Variants in ACACA observed in about 807,000 individuals in gnomAD.
ACACA encodes acetyl-CoA carboxylase alpha.
A neutral mutation model predicts 296.1 loss-of-function variants in ACACA; 103 were observed. The observed-to-expected ratio is 0.35, with a 90% CI of 0.30 to 0.41. The LOEUF (loss-of-function observed/expected upper bound fraction) is 0.41, where lower values mean the gene tolerates loss of function less well. Ranked by LOEUF, ACACA falls within the 10% of genes least tolerant of loss-of-function variation. The pLI is 1.00. For missense variants in ACACA, 1,554 were observed against 2,989.7 expected (o/e 0.52, Z 11.20); for synonymous variants, 953 against 1,038.6 (o/e 0.92, Z 1.58).
At chr17:37,245,677 T>G (rs958780907) in intron 19 of ACACA, among the ~76,000 whole-genome samples, 1 of 152,086 alleles carries the variant, frequency 6.6e-6, no homozygotes, top group Non-Finnish European at 1.5e-5. Flanking sequence ...GGTTTACGCC[T>G]TCTTCATTTC....
chr17:37,318,932 C>G (rs1432640739), intron 3 of ACACA, among the ~76,000 whole-genome samples: 1 of 152,066 alleles, frequency 6.6e-6, no homozygotes, highest in Non-Finnish European at 1.5e-5. Flanking sequence ...ATAAATGGTA[C>G]ATAAAATGAT....
At position 37,224,966 on chromosome 17, in the gene ACACA, TTATATA is replaced by T. The variant is rs200129602; in HGVS notation, c.3474+20_3474+25del. 5,845 of 907,490 alleles carry T rather than the reference TTATATA, an allele frequency of 6.4e-3. No homozygotes were observed. Among genetic ancestry groups the T allele is most frequent in the Admixed American group, 0.016 (667 of 40,682 alleles). 56.2% of individuals were successfully genotyped at this position (907,490 alleles called of 1,614,324 possible). A position where few individuals can be genotyped will look rare whatever the true frequency, so the allele number is the denominator to read the frequency against. Reference sequence around the variant, plus strand: ...AAGAGTCCAGATAGGCAGGAAAGGGTTATATATATATATATATATATATACCTGCAG... The same window carrying T: ...AAGAGTCCAGATAGGCAGGAAAGGGTTATATATATATATATATACCTGCAG... On this transcript the variant is annotated intron_variant, in intron 27 of 55. Coordinates refer to ENST00000616317, the MANE Select transcript of ACACA (RefSeq NM_198834.3).
At chr17:37,148,350 A>C (rs1002246405) in intron 45 of ACACA, among the ~76,000 whole-genome samples, 4 of 152,144 alleles carry the variant, frequency 2.6e-5, no homozygotes, top group African/African-American at 9.7e-5. Flanking sequence ...AGGGAGGAAG[A>C]CAGCCAAGTT....
chr17:37,394,132 A>T (rs1388348918), intron 1 of ACACA, among the ~76,000 whole-genome samples: 1 of 152,118 alleles, frequency 6.6e-6, no homozygotes, highest in African/African-American at 2.4e-5. Flanking sequence ...TTATAGACCA[A>T]GTTATACAAA....
intron 29 of ACACA, among the ~76,000 whole-genome samples, chr17:37,216,805 C>T (rs938581106): frequency 2.0e-5 from 3 of 151,292 alleles, no homozygotes; most frequent in Non-Finnish European, 1.5e-5. Context: ...GTCTTCAATC[C>T]CAACAGCAAC....
intron 41 of ACACA, among the ~76,000 whole-genome samples, chr17:37,174,144 C>A (rs185520699): frequency 6.9e-6 from 1 of 145,894 alleles, no homozygotes; most frequent in African/African-American, 2.6e-5. Context: ...TACAGGCATG[C>A]GCCACCGCGC....
At chr17:37,101,232 T>G (rs141907079) in intron 52 of ACACA, among the ~76,000 whole-genome samples, 257 of 152,188 alleles carry the variant, frequency 1.7e-3, no homozygotes, top group Admixed American at 3.2e-3. Context: ...ATATTAACAA[T>G]AGGTGAATTT....
chr17:37,246,826 C>T lies in ACACA; in HGVS notation c.2460G>A (p.Glu820=), dbSNP rs1365269910. ...CCCACAGTCCTTTCACCACCCTGACCTCAATCTCAGCATAGCACTGGCCGG... is the reference window on the plus strand; with the variant it reads ...CCCACAGTCCTTTCACCACCCTGACTTCAATCTCAGCATAGCACTGGCCGG... ...VFAGQCYAEI[E]VMKMVMTLTA... Residue 820 remains glutamate (E), a splice_region_variant and synonymous_variant, in exon 19 of 56, where the codon GAG becomes GAA. Transcript: ENST00000616317. 6.2e-7 allele frequency: 1 copy of T among 1,613,690 alleles called. No individual in the cohort carries two copies. Among genetic ancestry groups the T allele is most frequent in the Non-Finnish European group, 8.5e-7 (1 of 1,180,030 alleles).
chr17:37,397,747 T>C (rs1008155747), intron 1 of ACACA, among the ~76,000 whole-genome samples: 2 of 152,208 alleles, frequency 1.3e-5, no homozygotes, highest in African/African-American at 2.4e-5. Context: ...GATCCATGTT[T>C]ATACTGAAAT....
chr17:37,256,066 C>T (rs1598328605), intron 14 of ACACA, among the ~76,000 whole-genome samples: 1 of 152,124 alleles, frequency 6.6e-6, no homozygotes, highest in Non-Finnish European at 1.5e-5. Context: ...TAACTTTTAA[C>T]AACTAGAATG....
rs1173864454 is a variant in ACACA, at chr17:37,128,024, C to CAAAA, written c.5944+1337_5944+1340dup. Among the ~76,000 whole-genome samples, 29 of 39,742 alleles carry CAAAA rather than the reference C, an allele frequency of 7.3e-4. 3 individuals are homozygous for CAAAA. Among genetic ancestry groups the CAAAA allele is most frequent in the African/African-American group, 1.5e-3 (14 of 9,586 alleles). 26.1% of individuals were successfully genotyped at this position (39,742 alleles called of 152,430 possible). On this transcript the variant is annotated intron_variant, in intron 47 of 55. Transcript: ENST00000616317. ...GGAGGACAAGAGTGAAACTCCATCTCAAAAAAAAAAAAAAAAAAAAAAAAA... is the reference window on the plus strand; with the variant it reads ...GGAGGACAAGAGTGAAACTCCATCTCAAAAAAAAAAAAAAAAAAAAAAAAAAAAA...
intron 3 of ACACA, among the ~76,000 whole-genome samples, chr17:37,326,828 A>G (rs951893846): frequency 7.0e-5 from 10 of 142,390 alleles, no homozygotes; most frequent in Middle Eastern, 3.7e-3. Context: ...GTCTCCCTCT[A>G]AAAAAAAAAA....
intron 25 of ACACA, among the ~76,000 whole-genome samples, chr17:37,229,205 C>T (rs1301114312): frequency 1.3e-5 from 2 of 151,782 alleles, no homozygotes; most frequent in Non-Finnish European, 2.9e-5. Context: ...ATATAGAATG[C>T]ATTCCCTTTA....
chr17:37,185,893 T>C (rs557496817), intron 39 of ACACA, among the ~76,000 whole-genome samples: 1 of 152,334 alleles, frequency 6.6e-6, no homozygotes, highest in South Asian at 2.1e-4. Context: ...TCTCTTACAC[T>C]GCACATTGGA....
In ACACA at chr17:37,087,137, G is replaced by A. The variant is rs962436929; in HGVS notation, c.*179C>T. On this transcript the variant is annotated 3_prime_UTR_variant, in exon 56 of 56. Coordinates refer to ENST00000616317, the MANE Select transcript of ACACA (RefSeq NM_198834.3). ...GTAGGTGTGACTGGTGGGCTGGAGG[G>A]GGATTCTGTGATCTTACATCCCAGG... is the stretch of plus-strand genomic sequence containing the variant. 7.3e-6 allele frequency: 6 copies of A among 825,574 alleles called. No individual in the cohort carries two copies. The highest frequency in any genetic ancestry group is 2.1e-5 in the Admixed American group (1 of 47,612). The allele number at this position is 825,574 out of a possible 1,614,324, so 51.1% of individuals were successfully genotyped here.
At chr17:37,372,608 G>T (rs544287645) in intron 1 of ACACA, among the ~76,000 whole-genome samples, 5 of 152,164 alleles carry the variant, frequency 3.3e-5, no homozygotes, top group Admixed American at 6.6e-5. Context: ...CCTGTCAAGT[G>T]CTCCTTCTGC....
chr17:37,363,536 C>G (rs1207172804), intron 1 of ACACA, among the ~76,000 whole-genome samples: 4 of 152,020 alleles, frequency 2.6e-5, no homozygotes, highest in Non-Finnish European at 5.9e-5. Flanking sequence ...AGTTTGAGAA[C>G]AGTCGTTTAA....
At chr17:37,351,396 G>A (rs1379758834) in intron 1 of ACACA, among the ~76,000 whole-genome samples, 8 of 152,228 alleles carry the variant, frequency 5.3e-5, no homozygotes, top group Non-Finnish European at 1.2e-4. Context: ...CCAGGAGGCA[G>A]AGGTTGCAGT....
At chr17:37,357,985 G>C (rs1348524072) in intron 1 of ACACA, among the ~76,000 whole-genome samples, 1 of 152,206 alleles carries the variant, frequency 6.6e-6, no homozygotes, top group Non-Finnish European at 1.5e-5. Context: ...ATAAACTTCT[G>C]AGACTGAAGA....
Sources: gnomAD v4.1 joint callset for allele counts (sites outside exome capture counted in the v4.1 genomes callset) on GRCh38, gnomAD v4.1.1 for gene constraint, MANE v1.5 for transcripts, NCBI Gene and HGNC (gene_info 2026-07-23, HGNC 2026-07-21) for gene names.